The following STX8 variants were observed in gnomAD, a reference collection of about 807,000 sequenced individuals.
STX8 encodes syntaxin 8.
A neutral mutation model predicts 37.5 loss-of-function variants in STX8; 23 were observed. The ratio of observed to expected loss-of-function variants is 0.61; its 90% CI spans 0.44 to 0.87. The LOEUF (loss-of-function observed/expected upper bound fraction) is 0.87, where lower values mean the gene tolerates loss of function less well. STX8 is among the 40% of genes least tolerant of loss of function. The probability of loss-of-function intolerance (pLI) is 0.00; values close to 1 mark genes in which losing one functional copy is unlikely to be tolerated. For synonymous variants in STX8, 115 were observed against 99.1 expected (o/e 1.16, Z -0.95); for missense variants, 313 against 284.7 (o/e 1.10, Z -0.71).
intron 7 of STX8, among the ~76,000 whole-genome samples, chr17:9,376,582 G>A (rs1411931992): frequency 6.6e-6 from 1 of 152,192 alleles, no homozygotes; most frequent in Non-Finnish European, 1.5e-5. Context: ...CTTACATGCT[G>A]TGGAAGCTTT....
intron 7 of STX8, among the ~76,000 whole-genome samples, chr17:9,335,816 CACACACACACACGTAG>C (rs1910118863): frequency 3.3e-5 from 3 of 90,184 alleles, no homozygotes; most frequent in African/African-American, 1.0e-4. Flanking sequence ...CTCTCTCTCA[CACACACACACACGTAG>C]ACACACACAC....
chr17:9,533,594 C>A (rs1408287817), intron 4 of STX8, among the ~76,000 whole-genome samples: 1 of 152,200 alleles, frequency 6.6e-6, no homozygotes, highest in African/African-American at 2.4e-5. Context: ...AAAGTAATGA[C>A]TAAGGTTCAC....
chr17:9,549,924 T>C (rs745673734), intron 3 of STX8, among the ~76,000 whole-genome samples: 7 of 151,750 alleles, frequency 4.6e-5, no homozygotes, highest in Non-Finnish European at 8.8e-5. Flanking sequence ...TAAGGACAAG[T>C]AGAAAGTAGG....
At chr17:9,420,084 GTC>G (rs775767255) in intron 6 of STX8, among the ~76,000 whole-genome samples, 1 of 152,172 alleles carries the variant, frequency 6.6e-6, no homozygotes, top group African/African-American at 2.4e-5. Flanking sequence ...ACATCTCACA[GTC>G]TCTCTTACAA....
At position 9,397,225 on chromosome 17, in the gene STX8, G is replaced by A. The variant is rs151181000; in HGVS notation, c.542-18572C>T. Among the ~76,000 whole-genome samples the A allele has an allele frequency of 6.1e-3, 936 of 152,200 alleles. 11 individuals are homozygous for A. The highest frequency in any genetic ancestry group is 0.021 in the African/African-American group (889 of 41,494). On this transcript the variant is annotated intron_variant, in intron 6 of 7. Transcript: ENST00000306357. ...AGCCTGGCCAACATGGTGAAAACCC[G>A]TCTCTACTAAAAATACAAAAATTAG...
chr17:9,380,861 G>A (rs1258987113), intron 6 of STX8, among the ~76,000 whole-genome samples: 1 of 151,272 alleles, frequency 6.6e-6, no homozygotes, highest in Admixed American at 6.6e-5. Flanking sequence ...TTACGGGTGC[G>A]CACCACCCGT....
intron 7 of STX8, among the ~76,000 whole-genome samples, chr17:9,360,719 C>T (rs998158923): frequency 6.6e-6 from 1 of 150,712 alleles, no homozygotes; most frequent in Admixed American, 6.6e-5. Flanking sequence ...AAGCAACGAC[C>T]GTTTTAAGGG....
At chr17:9,564,194 C>T (rs2151917622) in intron 2 of STX8, among the ~76,000 whole-genome samples, 1 of 152,120 alleles carries the variant, frequency 6.6e-6, no homozygotes, top group East Asian at 1.9e-4. Context: ...ACAAGGATGC[C>T]CTCTGCTACC....
At chr17:9,352,593 G>A (rs563392300) in intron 7 of STX8, among the ~76,000 whole-genome samples, 79 of 150,820 alleles carry the variant, frequency 5.2e-4, no homozygotes, top group African/African-American at 1.9e-3. Context: ...TCAGCCTCCC[G>A]GGTTCACGCC....
At chr17:9,306,752 G>A (rs955000203) in intron 7 of STX8, among the ~76,000 whole-genome samples, 15 of 151,966 alleles carry the variant, frequency 9.9e-5, no homozygotes, top group Admixed American at 6.6e-5. Flanking sequence ...GCAACCAAGC[G>A]AGACTCTGTC....
At chr17:9,492,826 T>C (rs539471155) in intron 5 of STX8, among the ~76,000 whole-genome samples, 50 of 152,272 alleles carry the variant, frequency 3.3e-4, no homozygotes, top group Admixed American at 6.5e-4. Context: ...CCAGTCGCGG[T>C]GGCTCACGCC....
At chr17:9,324,811 A>T (rs1909702376) in intron 7 of STX8, among the ~76,000 whole-genome samples, 1 of 151,460 alleles carries the variant, frequency 6.6e-6, no homozygotes, top group Non-Finnish European at 1.5e-5. Context: ...TCAGCATCAC[A>T]GCTCCACTCT....
intron 7 of STX8, among the ~76,000 whole-genome samples, chr17:9,341,279 C>T (rs1382296690): frequency 6.6e-6 from 1 of 152,076 alleles, no homozygotes; most frequent in Non-Finnish European, 1.5e-5. Context: ...CAGCCTCACT[C>T]CTTTCTATGC....
intron 6 of STX8, among the ~76,000 whole-genome samples, chr17:9,465,085 A>C (rs1233299610): frequency 6.6e-6 from 1 of 151,930 alleles, no homozygotes; most frequent in African/African-American, 2.4e-5. Context: ...TGTATTCTCC[A>C]CCATGAAGCT....
chr17:9,307,174 C>T (rs907462621), intron 7 of STX8, among the ~76,000 whole-genome samples: 1 of 152,004 alleles, frequency 6.6e-6, no homozygotes, highest in Admixed American at 6.6e-5. Context: ...ACTCGTTTAC[C>T]AAGGTCTTAT....
chr17:9,482,863 G>A (rs748228736), intron 6 of STX8, among the ~76,000 whole-genome samples: 4 of 152,178 alleles, frequency 2.6e-5, no homozygotes, highest in African/African-American at 9.7e-5. Flanking sequence ...ATGGTGAGCC[G>A]AGATCGCGCC....
Position 9,352,033 on chromosome 17 carries a change from C to G in STX8, c.643+26519G>C, listed in dbSNP as rs145279339. 4.6e-3 allele frequency among the ~76,000 whole-genome samples: 696 copies of G among 151,772 alleles called. 8 individuals are homozygous for G. Among genetic ancestry groups the G allele is most frequent in the African/African-American group, 0.016 (652 of 41,348 alleles). ...GGGTACGGTGGTGTGCGCCTATAGT[C>G]CCAGCTACTTGGGAGGCTGAGGCAG... On this transcript the variant is annotated intron_variant, in intron 7 of 7. Coordinates refer to ENST00000306357, the MANE Select transcript of STX8 (RefSeq NM_004853.3).
At chr17:9,562,298 TG>T (rs1233528214) in intron 2 of STX8, among the ~76,000 whole-genome samples, 1 of 151,290 alleles carries the variant, frequency 6.6e-6, no homozygotes, top group East Asian at 1.9e-4. Flanking sequence ...CCCAGCTACT[TG>T]GGAGGCTGAG....
At chr17:9,388,397 A>C (rs1912090047) in intron 6 of STX8, among the ~76,000 whole-genome samples, 1 of 151,906 alleles carries the variant, frequency 6.6e-6, no homozygotes, top group South Asian at 2.1e-4. Flanking sequence ...TTTAAGTTAT[A>C]AAAATTATTC....
Sources: allele counts gnomAD v4.1 joint callset (sites outside exome capture counted in the v4.1 genomes callset), GRCh38; gene constraint gnomAD v4.1.1; transcripts MANE v1.5; gene names NCBI Gene and HGNC (gene_info 2026-07-23, HGNC 2026-07-21).